Variants in SCHIP1 observed in about 807,000 individuals in gnomAD.
SCHIP1 encodes the protein schwannomin interacting protein 1.
In SCHIP1, 8 loss-of-function variants were observed where a neutral mutation model predicts 29.7. That is an observed-to-expected ratio of 0.27 (90% CI 0.16 to 0.49). The LOEUF is 0.49. Ranked by LOEUF, SCHIP1 falls within the 20% of genes least tolerant of loss-of-function variation. The probability of loss-of-function intolerance (pLI) is 0.99; values close to 1 mark genes in which losing one functional copy is unlikely to be tolerated. For synonymous variants in SCHIP1, 76 were observed against 94.9 expected (o/e 0.80, Z 1.16); for missense variants, 193 against 294.6 (o/e 0.66, Z 2.52).
the SCHIP1 span, among the ~76,000 whole-genome samples, chr3:159,781,040 T>A: frequency 6.6e-6 from 1 of 152,250 alleles, no homozygotes; most frequent in African/African-American, 2.4e-5. Flanking sequence ...AGCATAAATT[T>A]TATATTTTTA....
At chr3:159,720,877 G>A in the SCHIP1 span, among the ~76,000 whole-genome samples, 4 of 152,068 alleles carry the variant, frequency 2.6e-5, no homozygotes, top group Non-Finnish European at 4.4e-5. Context: ...GAGCTACCAC[G>A]CCCAGCCTAT....
the SCHIP1 span, among the ~76,000 whole-genome samples, chr3:159,325,682 C>CT: frequency 6.6e-5 from 10 of 151,806 alleles, no homozygotes; most frequent in African/African-American, 2.2e-4. Flanking sequence ...TTGAAAATTT[C>CT]TTTTTTTTAA....
the SCHIP1 span, among the ~76,000 whole-genome samples, chr3:159,685,558 A>T: frequency 6.6e-6 from 1 of 152,240 alleles, no homozygotes; most frequent in African/African-American, 2.4e-5. Flanking sequence ...TTCTTCTTAA[A>T]TATCTCTACA....
chr3:159,788,826 G>A, the SCHIP1 span, among the ~76,000 whole-genome samples: 6 of 151,642 alleles, frequency 4.0e-5, no homozygotes, highest in African/African-American at 1.5e-4. Flanking sequence ...TAACCAATAG[G>A]GTATAATATA....
chr3:159,545,745 TACAC>T, the SCHIP1 span, among the ~76,000 whole-genome samples: 1 of 148,700 alleles, frequency 6.7e-6, no homozygotes, highest in African/African-American at 2.4e-5. Context: ...TATGTATATA[TACAC>T]ACACACATAT....
At chr3:159,323,631 T>G in the SCHIP1 span, among the ~76,000 whole-genome samples, 1 of 152,244 alleles carries the variant, frequency 6.6e-6, no homozygotes, top group African/African-American at 2.4e-5. Context: ...GAATATCTTT[T>G]CACATACATC....
chr3:159,423,626 G>A, the SCHIP1 span, among the ~76,000 whole-genome samples: 2 of 135,950 alleles, frequency 1.5e-5, no homozygotes, highest in Admixed American at 7.7e-5. Flanking sequence ...ACCTCTGGGG[G>A]CAGCGCACAG....
chr3:159,441,988 A>T, the SCHIP1 span, among the ~76,000 whole-genome samples: 2 of 152,076 alleles, frequency 1.3e-5, no homozygotes, highest in Non-Finnish European at 2.9e-5. Flanking sequence ...GGAGGGAAAA[A>T]CTTATTGAGA....
chr3:159,503,085 C>T, the SCHIP1 span, among the ~76,000 whole-genome samples: 103,552 of 152,042 alleles, frequency 0.68, 35,914 homozygotes, highest in African/African-American at 0.81. Context: ...ACATTTGTTC[C>T]ATGGAGACAG....
At chr3:159,322,556 C>T in the SCHIP1 span, among the ~76,000 whole-genome samples, 1 of 152,136 alleles carries the variant, frequency 6.6e-6, no homozygotes, top group East Asian at 1.9e-4. Context: ...AGTCTACGGC[C>T]AAGTGAAAAA....
At chr3:159,468,777 A>ATACTT in the SCHIP1 span, among the ~76,000 whole-genome samples, 4 of 127,350 alleles carry the variant, frequency 3.1e-5, no homozygotes. Context: ...ATATATATAT[A>ATACTT]TTTTTTTTAG....
the SCHIP1 span, among the ~76,000 whole-genome samples, chr3:159,817,159 C>G: frequency 6.6e-6 from 1 of 152,038 alleles, no homozygotes; most frequent in Admixed American, 6.6e-5. Context: ...GAATTAAATA[C>G]CTATGATGAA....
In SCHIP1 at chr3:159,864,470, T is replaced by TACACACACACACACACAC. The variant is rs58371525; in HGVS notation, c.31-1665_31-1648dup. Among the ~76,000 whole-genome samples, 107 of 139,922 alleles carry TACACACACACACACACAC rather than the reference T, an allele frequency of 7.6e-4. 2 individuals are homozygous for TACACACACACACACACAC. The highest frequency in any genetic ancestry group is 4.5e-3 in the East Asian group (21 of 4,662). The allele number at this position is 139,922 out of a possible 152,430, so 91.8% of individuals were successfully genotyped here. ...GTAGTCTTTCACCTTATGGCTGTAC[T>TACACACACACACACACAC]ACACACACACACACACACACACACA... On this transcript the variant is annotated intron_variant, in intron 1 of 6. Coordinates refer to ENST00000445224, the Ensembl canonical transcript of SCHIP1.
chr3:159,618,012 T>C, the SCHIP1 span, among the ~76,000 whole-genome samples: 1 of 152,140 alleles, frequency 6.6e-6, no homozygotes, highest in East Asian at 1.9e-4. Context: ...AAAAAAAATT[T>C]AGTGTTTTGC....
the SCHIP1 span, among the ~76,000 whole-genome samples, chr3:159,511,586 G>A: frequency 6.6e-6 from 1 of 152,138 alleles, no homozygotes; most frequent in Non-Finnish European, 1.5e-5. Context: ...GACTGGAGCT[G>A]TTCCTATTCG....
the SCHIP1 span, among the ~76,000 whole-genome samples, chr3:159,704,478 C>T: frequency 2.2e-5 from 3 of 139,446 alleles, no homozygotes; most frequent in East Asian, 2.2e-4. Flanking sequence ...AGAACAAAGA[C>T]TATCTTGTTC....
At chr3:159,794,481 A>G in the SCHIP1 span, among the ~76,000 whole-genome samples, 1 of 152,168 alleles carries the variant, frequency 6.6e-6, no homozygotes, top group Non-Finnish European at 1.5e-5. Context: ...GTGATTCTCA[A>G]CAGGGAGTAG....
chr3:159,668,526 G>A, the SCHIP1 span, among the ~76,000 whole-genome samples: 1 of 152,074 alleles, frequency 6.6e-6, no homozygotes, highest in Non-Finnish European at 1.5e-5. Context: ...AAGGAAACCT[G>A]GAGGACCAGG....
chr3:159,767,581 TAC>T, the SCHIP1 span, among the ~76,000 whole-genome samples: 2 of 152,226 alleles, frequency 1.3e-5, no homozygotes, highest in African/African-American at 4.8e-5. Flanking sequence ...GTGGCATTAA[TAC>T]ACACCACTAG....
Sources: gnomAD v4.1 joint callset for allele counts (sites outside exome capture counted in the v4.1 genomes callset) on GRCh38, gnomAD v4.1.1 for gene constraint, MANE v1.5 for transcripts, NCBI Gene and HGNC (gene_info 2026-07-23, HGNC 2026-07-21) for gene names.